Variants in HS3ST4 observed in about 807,000 individuals in gnomAD.
The protein encoded by HS3ST4 is heparan sulfate-glucosamine 3-sulfotransferase 4.
Under a neutral mutation model 29.2 loss-of-function variants are expected in HS3ST4, and 17 were observed. The ratio of observed to expected loss-of-function variants is 0.58; its 90% CI spans 0.40 to 0.87. The LOEUF is 0.87. HS3ST4 is among the 40% of genes least tolerant of loss of function. HS3ST4 has a pLI of 0.00. For missense variants in HS3ST4, 627 were observed against 634.5 expected (o/e 0.99, Z 0.13); for synonymous variants, 314 against 285.7 (o/e 1.10, Z -1.00).
chr16:26,072,674 C>T (rs1203678449), intron 1 of HS3ST4, among the ~76,000 whole-genome samples: 1 of 152,044 alleles, frequency 6.6e-6, no homozygotes, highest in Non-Finnish European at 1.5e-5. Flanking sequence ...TTGTGGTTAT[C>T]ACACTTTAAA....
intron 1 of HS3ST4, among the ~76,000 whole-genome samples, chr16:26,065,942 GACA>G (rs1333718931): frequency 6.6e-6 from 1 of 152,190 alleles, no homozygotes; most frequent in Non-Finnish European, 1.5e-5. Flanking sequence ...AGCAAAACAG[GACA>G]ACAAAATAAT....
intron 1 of HS3ST4, among the ~76,000 whole-genome samples, chr16:25,867,091 A>G (rs966246786): frequency 4.6e-5 from 7 of 152,316 alleles, no homozygotes; most frequent in Non-Finnish European, 8.8e-5. Context: ...GCCATCTTTT[A>G]CTTTGATAGA....
At chr16:26,065,270 A>G (rs531766834) in intron 1 of HS3ST4, among the ~76,000 whole-genome samples, 1 of 152,382 alleles carries the variant, frequency 6.6e-6, no homozygotes, top group East Asian at 1.9e-4. Context: ...TGGTACATAT[A>G]CACCATGGAA....
intron 1 of HS3ST4, among the ~76,000 whole-genome samples, chr16:25,839,399 G>A (rs1967391438): frequency 6.6e-6 from 1 of 152,132 alleles, no homozygotes; most frequent in South Asian, 2.1e-4. Flanking sequence ...TCACCCATTG[G>A]ATCTTCCCTT....
intron 1 of HS3ST4, among the ~76,000 whole-genome samples, chr16:25,827,313 C>T (rs1034613353): frequency 1.3e-5 from 2 of 152,104 alleles, no homozygotes; most frequent in Non-Finnish European, 2.9e-5. Context: ...TTTGCAATTC[C>T]TTCGTTCAAG....
chr16:25,740,236 A>T (rs1966643339), intron 1 of HS3ST4, among the ~76,000 whole-genome samples: 1 of 152,196 alleles, frequency 6.6e-6, no homozygotes, highest in Admixed American at 6.5e-5. Context: ...CATTTGAATG[A>T]CATCTTAAAG....
rs1267004633 is a variant in HS3ST4 at position 25,693,149 on chromosome 16, C to T, written c.732C>T (p.Tyr244=). 6.3e-7 allele frequency: 1 copy of T among 1,585,992 alleles called. No homozygotes were observed. The highest frequency in any genetic ancestry group is 1.8e-5 in the Admixed American group (1 of 56,194). ...DRNYEKGLEW[Y]RNVMPKTLDG... ...ACTACGAAAAGGGGTTGGAGTGGTA[C>T]AGGTAGGACCCTGGGCTCCGCGGGC... Residue 244 remains tyrosine, a splice_region_variant and synonymous_variant, in exon 1 of 2, where the codon TAC becomes TAT. Coordinates refer to ENST00000331351, the MANE Select transcript of HS3ST4 (RefSeq NM_006040.3).
chr16:25,962,091 A>G (rs2141702254), intron 1 of HS3ST4, among the ~76,000 whole-genome samples: 1 of 152,328 alleles, frequency 6.6e-6, no homozygotes, highest in South Asian at 2.1e-4. Context: ...ATTGCAGACA[A>G]GTAGGCCTTG....
intron 1 of HS3ST4, among the ~76,000 whole-genome samples, chr16:26,081,209 C>A (rs144153465): frequency 6.6e-6 from 1 of 151,818 alleles, no homozygotes; most frequent in East Asian, 1.9e-4. Context: ...ATCACTTGAG[C>A]CCAGGAGGCA....
At chr16:26,026,826 T>C (rs1969480457) in intron 1 of HS3ST4, among the ~76,000 whole-genome samples, 1 of 152,170 alleles carries the variant, frequency 6.6e-6, no homozygotes, top group Non-Finnish European at 1.5e-5. Context: ...GCTCAAGCTA[T>C]CAAAGAAGAA....
intron 1 of HS3ST4, among the ~76,000 whole-genome samples, chr16:26,122,491 T>C (rs1899289387): frequency 6.6e-6 from 1 of 152,132 alleles, no homozygotes; most frequent in African/African-American, 2.4e-5. Flanking sequence ...ATAAAAGCAA[T>C]GCCTACAGTT....
intron 1 of HS3ST4, among the ~76,000 whole-genome samples, chr16:25,968,112 G>A (rs74013225): frequency 5.9e-5 from 9 of 152,114 alleles, no homozygotes; most frequent in African/African-American, 1.7e-4. Flanking sequence ...GCTGGCTGGG[G>A]CAGATTTTAA....
intron 1 of HS3ST4, among the ~76,000 whole-genome samples, chr16:25,847,787 A>T (rs1344479051): frequency 6.6e-6 from 1 of 152,214 alleles, no homozygotes; most frequent in East Asian, 1.9e-4. Flanking sequence ...TAATTTCAGA[A>T]ATCCTAATGA....
At chr16:25,736,586 T>C (rs939387382) in intron 1 of HS3ST4, among the ~76,000 whole-genome samples, 12 of 152,230 alleles carry the variant, frequency 7.9e-5, no homozygotes, top group South Asian at 2.1e-4. Context: ...CATTTTATTT[T>C]CATGGAAAGA....
chr16:25,815,414 C>T (rs1967083662), intron 1 of HS3ST4, among the ~76,000 whole-genome samples: 1 of 152,204 alleles, frequency 6.6e-6, no homozygotes, highest in Non-Finnish European at 1.5e-5. Flanking sequence ...ACCTCCGCCT[C>T]CCAAGTTCAA....
chr16:25,772,481 T>A (rs567613416), intron 1 of HS3ST4, among the ~76,000 whole-genome samples: 2 of 152,322 alleles, frequency 1.3e-5, no homozygotes, highest in African/African-American at 4.8e-5. Context: ...ATACTGGCCT[T>A]AGGTCAGCAT....
chr16:25,985,607 TC>T (rs34718402), intron 1 of HS3ST4, among the ~76,000 whole-genome samples: 18 of 152,110 alleles, frequency 1.2e-4, no homozygotes, highest in African/African-American at 4.3e-4. Context: ...TTATTTCTCC[TC>T]CCCCCCTTTA....
intron 1 of HS3ST4, among the ~76,000 whole-genome samples, chr16:25,782,655 G>A (rs1308400862): frequency 1.3e-5 from 2 of 152,154 alleles, no homozygotes; most frequent in Non-Finnish European, 2.9e-5. Context: ...AAAGTCAGAT[G>A]CACCTTACAG....
rs1053711623 is a variant in HS3ST4 at position 25,936,131 on chromosome 16, C to T, written c.735-199481C>T. 2.6e-5 allele frequency among the ~76,000 whole-genome samples: 4 copies of T among 152,208 alleles called. No homozygotes were observed. The South Asian group carries it at 6.2e-4, about 24-fold the overall frequency. ...CTGAGGGATAATCTCCATGATGGTCCTGTTGACAAGAAAGGGATGTATTTA... is the reference window on the plus strand; with the variant it reads ...CTGAGGGATAATCTCCATGATGGTCTTGTTGACAAGAAAGGGATGTATTTA... On this transcript the variant is annotated intron_variant, in intron 1 of 1. Coordinates refer to ENST00000331351, the MANE Select transcript of HS3ST4 (RefSeq NM_006040.3).
Sources: allele counts gnomAD v4.1 joint callset (sites outside exome capture counted in the v4.1 genomes callset), GRCh38; gene constraint gnomAD v4.1.1; transcripts MANE v1.5; gene names NCBI Gene and HGNC (gene_info 2026-07-23, HGNC 2026-07-21).